The following SSUH2 variants were observed in gnomAD, a reference collection of about 807,000 sequenced individuals.
SSUH2 encodes protein SSUH2 homolog.
In SSUH2, 47 loss-of-function variants were observed where a neutral mutation model predicts 55.3. The observed-to-expected ratio is 0.85, with a 90% CI of 0.67 to 1.08. SSUH2 has a LOEUF of 1.08. SSUH2 is among the 50% of genes least tolerant of loss of function. SSUH2 has a pLI of 0.00. For synonymous variants in SSUH2, 212 were observed against 191.5 expected (o/e 1.11, Z -0.89); for missense variants, 535 against 490.7 (o/e 1.09, Z -0.85).
chr3:8,637,550 A>G (rs1031563080), intron 1 of SSUH2, among the ~76,000 whole-genome samples: 3 of 152,220 alleles, frequency 2.0e-5, no homozygotes, highest in African/African-American at 7.2e-5. Flanking sequence ...CAGTAATCCT[A>G]GGTCACACAG....
chr3:8,626,226 TACC>T lies in SSUH2; in HGVS notation c.767_767+2del. 6.2e-7 allele frequency: 1 copy of T among 1,613,310 alleles called. No individual in the cohort carries two copies. The highest frequency in any genetic ancestry group is 1.1e-5 in the South Asian group (1 of 91,024). On this transcript the variant is annotated splice_donor_variant and coding_sequence_variant, in exon 9 of 12. Transcript: ENST00000544814. LOFTEE classifies it high-confidence loss of function. ...GCCACAGCATTGAGACACTGCCACA[TACC>T]ACATGATGACAAGCTGGATGAAGTG...
chr3:8,629,790 A>T, intron 6 of SSUH2, 64 bp from the exon 7 acceptor site: 2 of 1,496,168 alleles, frequency 1.3e-6, no homozygotes, highest in Non-Finnish European at 1.9e-6. Context: ...CACCCATAAC[A>T]TCACCATCTA....
intron 2 of SSUH2, among the ~76,000 whole-genome samples, chr3:8,678,231 C>G (rs368878290): frequency 6.6e-6 from 1 of 152,046 alleles, no homozygotes; most frequent in Non-Finnish European, 1.5e-5. Flanking sequence ...CATCTCACAC[C>G]GGGGTGTATA....
chr3:8,677,262 G>A (rs115264719), exon 3 of SSUH2: 10,944 of 151,780 alleles, frequency 0.072, 807 homozygotes, highest in Non-Finnish European at 0.1. Flanking sequence ...GCCGAAGGCA[G>A]GTACCTTACT....
intron 1 of SSUH2, among the ~76,000 whole-genome samples, chr3:8,641,214 GCTT>G (rs35885904): frequency 9.2e-4 from 140 of 152,340 alleles, no homozygotes; most frequent in Non-Finnish European, 1.7e-3. Context: ...TTGCCAAACG[GCTT>G]CTTAAGAATC....
At chr3:8,645,693 A>T (rs1701593163), upstream of SSUH2, among the ~76,000 whole-genome samples, 1 of 152,154 alleles carries the variant, frequency 6.6e-6, no homozygotes, top group South Asian at 2.1e-4. Flanking sequence ...GTGCCATGAT[A>T]TTCCTCAATG....
At position 8,619,848 on chromosome 3, in the gene SSUH2, C is replaced by CA; in HGVS notation, c.*19_*20insT. 1 of 1,610,600 alleles carries CA rather than the reference C, an allele frequency of 6.2e-7. No individual in the cohort carries two copies. Among genetic ancestry groups the CA allele is most frequent in the Non-Finnish European group, 8.5e-7 (1 of 1,178,358 alleles). ...CCTTGGCAAACGTGAATGGCAGGCT[C>CA]TGGGGACAGCCATGCTATGTCACAC... On this transcript the variant is annotated 3_prime_UTR_variant, in exon 12 of 12. Coordinates refer to ENST00000544814, the MANE Select transcript of SSUH2 (RefSeq NM_001256748.3).
intron 1 of SSUH2, among the ~76,000 whole-genome samples, chr3:8,641,116 C>T (rs1240028660): frequency 1.3e-5 from 2 of 152,154 alleles, no homozygotes; most frequent in African/African-American, 4.8e-5. Flanking sequence ...CCAGACTTAG[C>T]TTAGACCTCC....
chr3:8,673,471 T>G (rs1704850529), intron 3 of SSUH2, among the ~76,000 whole-genome samples: 1 of 152,078 alleles, frequency 6.6e-6, no homozygotes, highest in Non-Finnish European at 1.5e-5. Flanking sequence ...CATGTTTTTG[T>G]GTACCAGCCC....
At chr3:8,623,186 A>G (rs2125088307) in intron 11 of SSUH2, among the ~76,000 whole-genome samples, 1 of 152,342 alleles carries the variant, frequency 6.6e-6, no homozygotes, top group South Asian at 2.1e-4. Flanking sequence ...CAGGGGCAAG[A>G]CACTGGGCTC....
intron 1 of SSUH2, among the ~76,000 whole-genome samples, chr3:8,642,430 G>A (rs928929536): frequency 1.3e-5 from 2 of 152,226 alleles, no homozygotes; most frequent in Non-Finnish European, 2.9e-5. Context: ...TCCAGGGAGA[G>A]AGATAGCGAT....
chr3:8,621,709 A>G (rs1318163313), intron 11 of SSUH2, among the ~76,000 whole-genome samples: 1 of 152,202 alleles, frequency 6.6e-6, no homozygotes, highest in Admixed American at 6.5e-5. Flanking sequence ...TTTTCTTCAT[A>G]TGCCAGAAAC....
chr3:8,641,761 G>A (rs1700890396), intron 1 of SSUH2, among the ~76,000 whole-genome samples: 1 of 152,232 alleles, frequency 6.6e-6, no homozygotes. Context: ...CACAGCTAAC[G>A]GCAGCTTGGC....
At chr3:8,635,436 T>G in intron 2 of SSUH2, 55 bp from the exon 3 acceptor site, 1 of 1,275,756 alleles carries the variant, frequency 7.8e-7, no homozygotes, top group African/African-American at 1.5e-5. Context: ...AACAAATATT[T>G]GTGTGGTGGA....
At position 8,634,061 on chromosome 3, in the gene SSUH2, G is replaced by A; in HGVS notation, c.210-266C>T. 3.8e-6 allele frequency: 4 copies of A among 1,046,964 alleles called. No individual in the cohort carries two copies. The South Asian group carries it at 4.9e-5, about 13-fold the overall frequency. The allele number at this position is 1,046,964 out of a possible 1,614,324, so 64.9% of individuals were successfully genotyped here. A position where few individuals can be genotyped will look rare whatever the true frequency, so the allele number is the denominator to read the frequency against. On this transcript the variant is annotated intron_variant, in intron 3 of 11. Coordinates refer to ENST00000544814, the MANE Select transcript of SSUH2 (RefSeq NM_001256748.3). The stretch of plus-strand genomic sequence containing the variant: ...TTAGGAGAAAAGCTGATAGAATCCT[G>A]CAACTGAAGAAACACAACCTTAGAG...
chr3:8,658,279 C>T (rs779723723), intron 7 of SSUH2, among the ~76,000 whole-genome samples: 8 of 152,218 alleles, frequency 5.3e-5, no homozygotes, highest in South Asian at 2.1e-4. Flanking sequence ...TTATTCATAT[C>T]GAATTAGGTG....
chr3:8,628,475 G>A (rs1965975), intron 7 of SSUH2, among the ~76,000 whole-genome samples: 50,277 of 152,120 alleles, frequency 0.33, 8,645 homozygotes, highest in Middle Eastern at 0.48. Context: ...GGGTTGAATA[G>A]CGGCCCTTCC....
chr3:8,636,843 C>T (rs1700008979), intron 1 of SSUH2, among the ~76,000 whole-genome samples: 1 of 152,198 alleles, frequency 6.6e-6, no homozygotes, highest in East Asian at 1.9e-4. Context: ...AACGCCTTCC[C>T]TCATTCCACC....
At chr3:8,630,235 G>C (rs986847180) in intron 6 of SSUH2, among the ~76,000 whole-genome samples, 1 of 152,142 alleles carries the variant, frequency 6.6e-6, no homozygotes, top group Non-Finnish European at 1.5e-5. Context: ...AAAACTCATA[G>C]AGCAAAATTG....
Sources: allele counts gnomAD v4.1 joint callset (sites outside exome capture counted in the v4.1 genomes callset), GRCh38; gene constraint gnomAD v4.1.1; transcripts MANE v1.5; gene names NCBI Gene and HGNC (gene_info 2026-07-23, HGNC 2026-07-21).